The following TFAP2E variants were observed in gnomAD, a reference collection of about 807,000 sequenced individuals.
TFAP2E encodes transcription factor AP-2-epsilon.
A neutral mutation model predicts 37.9 loss-of-function variants in TFAP2E; 30 were observed. The ratio of observed to expected loss-of-function variants is 0.79; its 90% CI spans 0.59 to 1.07. TFAP2E has a LOEUF of 1.07. TFAP2E is among the 50% of genes least tolerant of loss of function. The pLI is 0.00. For missense variants in TFAP2E, 567 were observed against 637.9 expected, an observed-to-expected ratio of 0.89 and a Z score of 1.20; for synonymous variants, 318 against 295.8, an observed-to-expected ratio of 1.08 and a Z score of -0.77.
At chr1:35,578,183 G>C (rs1183609533) in intron 3 of TFAP2E, among the ~76,000 whole-genome samples, 2 of 152,084 alleles carry the variant, frequency 1.3e-5, no homozygotes, top group Non-Finnish European at 2.9e-5. Flanking sequence ...GAAAGAGGGG[G>C]TGTGTAAAAA....
At position 35,590,370 on chromosome 1, in the gene TFAP2E, G is replaced by GT. The variant is rs1425363246; in HGVS notation, c.905-263dup. ...TGGATGTGGTAAAGGGATGAAGGGG[G>GT]TGACAGCCCCCTCCCCTGGAGGTTG... is the stretch of plus-strand genomic sequence containing the variant. On this transcript the variant is annotated intron_variant, in intron 5 of 6. Coordinates refer to ENST00000373235, the MANE Select transcript of TFAP2E (RefSeq NM_178548.4). This position sits in a 1 kb window ranked among gnomAD's most constrained non-coding sequence, Gnocchi z 6.2. Among the ~76,000 whole-genome samples the GT allele has an allele frequency of 2.6e-5, 4 of 151,990 alleles. No individual in the cohort carries two copies. Among genetic ancestry groups the GT allele is most frequent in the Non-Finnish European group, 1.5e-5 (1 of 67,970 alleles).
At chr1:35,584,337 AAGTG>A in intron 3 of TFAP2E, among the ~76,000 whole-genome samples, 1 of 152,128 alleles carries the variant, frequency 6.6e-6, no homozygotes, top group East Asian at 1.9e-4. Context: ...TTCTGGGCTC[AAGTG>A]ATCCTCCTGC....
rs1157533340 is a variant in TFAP2E at position 35,577,322 on chromosome 1, C to G, written c.562+2322C>G. 1 of 455,672 alleles carries G rather than the reference C, an allele frequency of 2.2e-6. No individual in the cohort carries two copies. The highest frequency in any genetic ancestry group is 4.4e-6 in the Non-Finnish European group (1 of 226,390). The allele number at this position is 455,672 out of a possible 1,614,324, so 28.2% of individuals were successfully genotyped here. ...CCTCGGCGCCCCCAGCAGTTTTCAC[C>G]TTGGCCCTCCGCGGTCACTGCGGGA... is the stretch of plus-strand genomic sequence containing the variant. On this transcript the variant is annotated intron_variant, in intron 3 of 6. Transcript: ENST00000373235. The surrounding 1 kb of genome is among the most constrained non-coding windows in gnomAD (Gnocchi z 6.3).
chr1:35,591,524 C>G (rs1195046479), intron 6 of TFAP2E, among the ~76,000 whole-genome samples: 3 of 152,188 alleles, frequency 2.0e-5, no homozygotes, highest in Non-Finnish European at 4.4e-5. Context: ...CATCTCACTC[C>G]TGGACCTTCA....
In TFAP2E at chr1:35,594,786, A is replaced by G; in HGVS notation, c.*110A>G. The G allele has an allele frequency of 1.3e-6, 2 of 1,496,906 alleles. No homozygotes were observed. Among genetic ancestry groups the G allele is most frequent in the Non-Finnish European group, 9.0e-7 (1 of 1,112,568 alleles). 92.7% of individuals were successfully genotyped at this position (1,496,906 alleles called of 1,614,324 possible). The stretch of plus-strand genomic sequence containing the variant: ...AGGTGGGATTAGAGTCAGGCCAGAA[A>G]GAGAACATTCATCCAGAGATCCCAG... On this transcript the variant is annotated 3_prime_UTR_variant, in exon 7 of 7. Coordinates refer to ENST00000373235, the MANE Select transcript of TFAP2E (RefSeq NM_178548.4).
chr1:35,574,051 A>C lies in TFAP2E; in HGVS notation c.152A>C (p.Gln51Pro). The change falls in exon 2 of 7, where the codon CAG (glutamine) becomes CCG (proline). Residue 51 changes from glutamine (Q) to proline (P), a missense_variant. Transcript: ENST00000373235. The stretch of plus-strand genomic sequence containing the variant: ...GCCGCCACAGCTGCCGCCGAATTCC[A>C]GCCGCCCTACTTCCCGCCGCCCTAC... ...TPAATAAAEFQPPYFPPPYPQ... is the reference protein window; with the variant it reads ...TPAATAAAEFPPPYFPPPYPQ... The C allele has an allele frequency of 6.7e-7, 1 of 1,484,250 alleles. No homozygotes were observed. Among genetic ancestry groups the C allele is most frequent in the Non-Finnish European group, 8.9e-7 (1 of 1,122,530 alleles). 91.9% of individuals were successfully genotyped at this position (1,484,250 alleles called of 1,614,324 possible).
At chr1:35,589,859 C>A in intron 4 of TFAP2E, 71 bp from the exon 5 acceptor site, 2 of 1,524,780 alleles carry the variant, frequency 1.3e-6, no homozygotes, top group Non-Finnish European at 1.8e-6. Context: ...GGCCCTTTGG[C>A]AGCCACTTAG....
intron 3 of TFAP2E, among the ~76,000 whole-genome samples, chr1:35,576,085 C>G (rs1306610979): frequency 6.6e-6 from 1 of 152,230 alleles, no homozygotes; most frequent in Non-Finnish European, 1.5e-5. Flanking sequence ...ACTGCTCCCA[C>G]AGGGTTTGGC....
chr1:35,577,334 C>A lies in TFAP2E; in HGVS notation c.562+2334C>A. On this transcript the variant is annotated intron_variant, in intron 3 of 6. Transcript: ENST00000373235. The surrounding 1 kb of genome is among the most constrained non-coding windows in gnomAD (Gnocchi z 6.3). Reference sequence around the variant, plus strand: ...CAGCAGTTTTCACCTTGGCCCTCCGCGGTCACTGCGGGATTCGGCGTTGCC... The same window carrying A: ...CAGCAGTTTTCACCTTGGCCCTCCGAGGTCACTGCGGGATTCGGCGTTGCC... 2.2e-6 allele frequency: 1 copy of A among 456,326 alleles called. No individual in the cohort carries two copies. The highest frequency in any genetic ancestry group is 4.4e-6 in the Non-Finnish European group (1 of 226,672). The allele number at this position is 456,326 out of a possible 1,614,324, so 28.3% of individuals were successfully genotyped here.
chr1:35,587,230 AG>A (rs1649507074), intron 3 of TFAP2E, among the ~76,000 whole-genome samples: 1 of 152,246 alleles, frequency 6.6e-6, no homozygotes, highest in Non-Finnish European at 1.5e-5. Context: ...GTTCCGCTAA[AG>A]AAGCAAGTGC....
At chr1:35,583,316 G>A (rs1022940783) in intron 3 of TFAP2E, among the ~76,000 whole-genome samples, 1 of 151,928 alleles carries the variant, frequency 6.6e-6, no homozygotes, top group Non-Finnish European at 1.5e-5. Flanking sequence ...GTTGTTATTT[G>A]TATTTTTAGT....
intron 3 of TFAP2E, among the ~76,000 whole-genome samples, chr1:35,586,950 C>T (rs1263519345): frequency 2.0e-5 from 3 of 152,186 alleles, no homozygotes; most frequent in Middle Eastern, 3.2e-3. Context: ...GGTTTGCTAC[C>T]GGTTCTCCGT....
In TFAP2E at chr1:35,573,496, T is replaced by G. The variant is rs1293707451; in HGVS notation, c.-82T>G. 3 of 1,397,952 alleles carry G rather than the reference T, an allele frequency of 2.1e-6. No individual in the cohort carries two copies. Among genetic ancestry groups the G allele is most frequent in the Non-Finnish European group, 2.8e-6 (3 of 1,079,302 alleles). The allele number at this position is 1,397,952 out of a possible 1,614,324, so 86.6% of individuals were successfully genotyped here. A position where few individuals can be genotyped will look rare whatever the true frequency, so the allele number is the denominator to read the frequency against. ...CGTGACCTCCGCGGGCTGTGCCGGC[T>G]CCCGGCGCCTCTGCCCGCAGCGCTC... On this transcript the variant is annotated 5_prime_UTR_variant, in exon 1 of 7. Coordinates refer to ENST00000373235, the MANE Select transcript of TFAP2E (RefSeq NM_178548.4). This position sits in a 1 kb window ranked among gnomAD's most constrained non-coding sequence, Gnocchi z 5.9.
Position 35,574,112 on chromosome 1 carries a change from C to G in TFAP2E, c.213C>G (p.Asp71Glu), listed in dbSNP as rs1649092939. ...QPPLPYGQAP[D>E]AAAAFPHLAG... ...CGCTGCCCTACGGTCAGGCGCCCGA[C>G]GCCGCCGCAGCCTTTCCCCACCTGG... The change falls in exon 2 of 7, where the codon GAC (aspartate) becomes GAG (glutamate). Residue 71 changes from aspartate to glutamate, a missense_variant. Physicochemically the swap from Asp to Glu is conservative, Grantham distance 45. Transcript: ENST00000373235. The G allele has an allele frequency of 6.8e-7, 1 of 1,462,088 alleles. No homozygotes were observed. Among genetic ancestry groups the G allele is most frequent in the Middle Eastern group, 2.3e-4 (1 of 4,268 alleles). The allele number at this position is 1,462,088 out of a possible 1,614,324, so 90.6% of individuals were successfully genotyped here.
rs1335995551 is a variant in TFAP2E at position 35,588,554 on chromosome 1, T to G, written c.785+2T>G. Reference sequence around the variant, plus strand: ...CCTCCTGGGGGGTGTCCTCCGCAGGTAGGAAGGCCAGCCCACAATTCCCCG... The same window carrying G: ...CCTCCTGGGGGGTGTCCTCCGCAGGGAGGAAGGCCAGCCCACAATTCCCCG... On this transcript the variant is annotated splice_donor_variant, in intron 4 of 6. Transcript: ENST00000373235. LOFTEE classifies it high-confidence loss of function. This position sits in a 1 kb window ranked among gnomAD's most constrained non-coding sequence, Gnocchi z 5.1. 1 of 1,567,044 alleles carries G rather than the reference T, an allele frequency of 6.4e-7. No homozygotes were observed. Among genetic ancestry groups the G allele is most frequent in the Non-Finnish European group, 8.7e-7 (1 of 1,154,104 alleles).
chr1:35,576,508 G>A (rs1649173787), intron 3 of TFAP2E, among the ~76,000 whole-genome samples: 1 of 152,180 alleles, frequency 6.6e-6, no homozygotes, highest in Non-Finnish European at 1.5e-5. Context: ...TATGAGCATG[G>A]TGGTGGTCCC....
chr1:35,586,688 TG>T (rs1271889307), intron 3 of TFAP2E, among the ~76,000 whole-genome samples: 4 of 151,660 alleles, frequency 2.6e-5, no homozygotes, highest in African/African-American at 4.8e-5. Context: ...TGGGGTGTGG[TG>T]ATGGATGGGA....
rs534378805 is a variant in TFAP2E at position 35,586,187 on chromosome 1, G to A, written c.563-2143G>A. Among the ~76,000 whole-genome samples the A allele has an allele frequency of 3.1e-4, 47 of 152,328 alleles. No homozygotes were observed. The South Asian group carries it at 8.9e-3, about 29-fold the overall frequency. On this transcript the variant is annotated intron_variant, in intron 3 of 6. Transcript: ENST00000373235. The stretch of plus-strand genomic sequence containing the variant: ...AGGGGCAGGCAGAGCCAGAACACAA[G>A]GGAGGGTGAAGGAGGCCATTGTAAC...
At chr1:35,586,411 C>A (rs1019535903) in intron 3 of TFAP2E, among the ~76,000 whole-genome samples, 2 of 152,190 alleles carry the variant, frequency 1.3e-5, no homozygotes, top group Admixed American at 1.3e-4. Context: ...TCTCAGGGAA[C>A]TGACCGGGCT....
Sources: allele counts gnomAD v4.1 joint callset (sites outside exome capture counted in the v4.1 genomes callset), GRCh38; gene constraint gnomAD v4.1.1; non-coding constraint Gnocchi (gnomAD v3.1); transcripts MANE v1.5; gene names NCBI Gene and HGNC (gene_info 2026-07-23, HGNC 2026-07-21).